Variants in LRRFIP2 observed in about 807,000 individuals in gnomAD.
LRRFIP2 encodes the protein leucine-rich repeat flightless-interacting protein 2.
Under a neutral mutation model 125.9 loss-of-function variants are expected in LRRFIP2, and 109 were observed. The observed-to-expected ratio is 0.87, with a 90% CI of 0.74 to 1.01. The LOEUF (loss-of-function observed/expected upper bound fraction) is 1.01. Ranked by LOEUF, LRRFIP2 falls within the 50% of genes least tolerant of loss-of-function variation. LRRFIP2 has a pLI of 0.00. For missense variants in LRRFIP2, 850 were observed against 862.3 expected, an observed-to-expected ratio of 0.99 and a Z score of 0.18; for synonymous variants, 291 against 293.1, an observed-to-expected ratio of 0.99 and a Z score of 0.07.
At chr3:37,137,615 T>C (rs2095590666) in intron 2 of LRRFIP2, among the ~76,000 whole-genome samples, 1 of 152,186 alleles carries the variant, frequency 6.6e-6, no homozygotes, top group South Asian at 2.1e-4. Flanking sequence ...CAGTATCTAA[T>C]AACCAAATGT....
At chr3:37,158,925 A>C (rs944114802) in intron 1 of LRRFIP2, among the ~76,000 whole-genome samples, 22 of 152,182 alleles carry the variant, frequency 1.4e-4, no homozygotes, top group Admixed American at 1.3e-3. Flanking sequence ...CAGTAGGCAA[A>C]AGAGAATACT....
intron 9 of LRRFIP2, 121 bp downstream of exon 9, chr3:37,110,870 A>G: frequency 2.7e-6 from 2 of 748,634 alleles, no homozygotes; most frequent in South Asian, 3.8e-5. Context: ...TCAGTTACCA[A>G]AAACTAGTAT....
At chr3:37,068,555 T>A (rs1376930923) in intron 21 of LRRFIP2, 1 of 152,218 alleles carries the variant, frequency 6.6e-6, no homozygotes, top group Admixed American at 6.5e-5. Flanking sequence ...TCAAATGTAT[T>A]CAAGCTGGAT....
At position 37,072,693 on chromosome 3, in the gene LRRFIP2, G is replaced by C. The variant is rs2091438075; in HGVS notation, c.1464+97C>G. On this transcript the variant is annotated intron_variant, in intron 21 of 27. Coordinates refer to ENST00000336686, the MANE Select transcript of LRRFIP2 (RefSeq NM_006309.4). The stretch of plus-strand genomic sequence containing the variant: ...TTTTTCATACTGTGTAAATGCTCAA[G>C]AAGAATCAAAAGGACAGGTTTTTTC... 3 of 705,692 alleles carry C rather than the reference G, an allele frequency of 4.3e-6. No homozygotes were observed. In the African/African-American group the frequency reaches 5.4e-5, roughly 13 times the overall value. The allele number at this position is 705,692 out of a possible 1,614,324, so 43.7% of individuals were successfully genotyped here.
intron 1 of LRRFIP2, among the ~76,000 whole-genome samples, chr3:37,151,376 C>T (rs2096019300): frequency 6.6e-6 from 1 of 151,068 alleles, no homozygotes; most frequent in South Asian, 2.1e-4. Context: ...AAAAAGGGAA[C>T]ATGACAAAAG....
At chr3:37,158,154 T>C (rs1284730094) in intron 1 of LRRFIP2, among the ~76,000 whole-genome samples, 3 of 152,222 alleles carry the variant, frequency 2.0e-5, no homozygotes, top group Non-Finnish European at 4.4e-5. Flanking sequence ...AATTCACTTA[T>C]CCGTATTTTC....
At chr3:37,129,733 C>G (rs541814387) in intron 2 of LRRFIP2, among the ~76,000 whole-genome samples, 2 of 152,300 alleles carry the variant, frequency 1.3e-5, no homozygotes, top group South Asian at 4.1e-4. Flanking sequence ...TGGCTCAGGC[C>G]TGTAATCCCA....
intron 18 of LRRFIP2, among the ~76,000 whole-genome samples, chr3:37,084,607 A>G (rs2092905025): frequency 6.6e-6 from 1 of 152,184 alleles, no homozygotes; most frequent in East Asian, 1.9e-4. Context: ...TCAAGGCTAC[A>G]GTAAGCAGAG....
chr3:37,137,253 C>T (rs1432485340), intron 2 of LRRFIP2, among the ~76,000 whole-genome samples: 1 of 152,138 alleles, frequency 6.6e-6, no homozygotes, highest in African/African-American at 2.4e-5. Context: ...GATGGGACTA[C>T]AGGTGTGAGC....
chr3:37,116,899 C>T (rs1171337109), intron 6 of LRRFIP2, among the ~76,000 whole-genome samples: 2 of 151,716 alleles, frequency 1.3e-5, no homozygotes, highest in Non-Finnish European at 2.9e-5. Flanking sequence ...ATATCTGTAC[C>T]GCATGCTTTT....
intron 25 of LRRFIP2, 66 bp downstream of exon 25, chr3:37,058,724 T>C: frequency 2.6e-6 from 4 of 1,550,112 alleles, no homozygotes; most frequent in Non-Finnish European, 3.5e-6. Flanking sequence ...AGCAACCTGC[T>C]GACAAACCCA....
At chr3:37,167,145 C>T (rs559911513) in intron 1 of LRRFIP2, among the ~76,000 whole-genome samples, 16 of 141,024 alleles carry the variant, frequency 1.1e-4, no homozygotes, top group Middle Eastern at 4.0e-3. Context: ...TGCAGTGAGG[C>T]ATGATTGTGA....
chr3:37,151,851 T>C lies in LRRFIP2; in HGVS notation c.-55-2813A>G, dbSNP rs562516541. 2.0e-4 allele frequency among the ~76,000 whole-genome samples: 31 copies of C among 152,224 alleles called. No homozygotes were observed. The South Asian group carries it at 6.2e-3, about 31-fold the overall frequency. On this transcript the variant is annotated intron_variant, in intron 1 of 27. Coordinates refer to ENST00000336686, the MANE Select transcript of LRRFIP2 (RefSeq NM_006309.4). ...GACCTCAGGAGGCGGGTGATCTGCC[T>C]GCCTCGGCCTCCCAAAGTGCTGGGA...
At chr3:37,158,350 T>C (rs2096253027) in intron 1 of LRRFIP2, among the ~76,000 whole-genome samples, 1 of 152,192 alleles carries the variant, frequency 6.6e-6, no homozygotes, top group Non-Finnish European at 1.5e-5. Flanking sequence ...CTCATGCCTG[T>C]AATCCCAGCA....
At position 37,060,389 on chromosome 3, in the gene LRRFIP2, A is replaced by C. The variant is rs540121945; in HGVS notation, c.1750-1479T>G. Among the ~76,000 whole-genome samples the C allele has an allele frequency of 1.2e-4, 19 of 152,038 alleles. No individual in the cohort carries two copies. The highest frequency in any genetic ancestry group is 4.6e-4 in the African/African-American group (19 of 41,450). ...AGTGGCATGATCTCAGCTCACTGCAACCTCCGCCTCCCGGGTTCAAGCGAT... is the reference window on the plus strand; with the variant it reads ...AGTGGCATGATCTCAGCTCACTGCACCCTCCGCCTCCCGGGTTCAAGCGAT... On this transcript the variant is annotated intron_variant, in intron 24 of 27. Coordinates refer to ENST00000336686, the MANE Select transcript of LRRFIP2 (RefSeq NM_006309.4). This position sits in a 1 kb window ranked among gnomAD's most constrained non-coding sequence, Gnocchi z 4.1.
intron 1 of LRRFIP2, among the ~76,000 whole-genome samples, chr3:37,163,695 A>G (rs957790992): frequency 3.3e-5 from 5 of 152,244 alleles, no homozygotes; most frequent in Admixed American, 6.5e-5. Context: ...ATCCTGACTA[A>G]CAGACTTAGA....
intron 15 of LRRFIP2, among the ~76,000 whole-genome samples, chr3:37,098,263 T>G (rs2093824551): frequency 6.6e-6 from 1 of 151,706 alleles, no homozygotes; most frequent in African/African-American, 2.4e-5. Context: ...AAGCAGGTAA[T>G]GACAGCGATT....
rs555790120 is a variant in LRRFIP2, at chr3:37,060,432, C to A, written c.1750-1522G>T. Among the ~76,000 whole-genome samples the A allele has an allele frequency of 6.6e-6, 1 of 152,260 alleles. No homozygotes were observed. Among genetic ancestry groups the A allele is most frequent in the East Asian group, 1.9e-4 (1 of 5,190 alleles). On this transcript the variant is annotated intron_variant, in intron 24 of 27. Transcript: ENST00000336686. This position sits in a 1 kb window ranked among gnomAD's most constrained non-coding sequence, Gnocchi z 4.1. ...CAAGCGATTTTCCTGCCTCAGCCCC[C>A]CGAGTAGCTGGGATTCCAGGTGCAT...
At position 37,060,471 on chromosome 3, in the gene LRRFIP2, A is replaced by G. The variant is rs2088290506; in HGVS notation, c.1750-1561T>C. 6.6e-6 allele frequency among the ~76,000 whole-genome samples: 1 copy of G among 151,544 alleles called. No homozygotes were observed. The highest frequency in any genetic ancestry group is 2.4e-5 in the African/African-American group (1 of 41,216). On this transcript the variant is annotated intron_variant, in intron 24 of 27. Coordinates refer to ENST00000336686, the MANE Select transcript of LRRFIP2 (RefSeq NM_006309.4). The surrounding 1 kb of genome is among the most constrained non-coding windows in gnomAD (Gnocchi z 4.1). ...TTCCAGGTGCATGCCACCACGTCCA[A>G]TTTTTGTATTTTTAGTAGATGGGGT...
Sources: allele counts gnomAD v4.1 joint callset (sites outside exome capture counted in the v4.1 genomes callset), GRCh38; gene constraint gnomAD v4.1.1; non-coding constraint Gnocchi (gnomAD v3.1); transcripts MANE v1.5; gene names NCBI Gene and HGNC (gene_info 2026-07-23, HGNC 2026-07-21).